The following LRSAM1 variants were observed in gnomAD, a reference collection of about 807,000 sequenced individuals.
LRSAM1 encodes leucine rich repeat and sterile alpha motif containing 1.
In LRSAM1, 96 loss-of-function variants were observed where a neutral mutation model predicts 118.1. That is an observed-to-expected ratio of 0.81 (90% CI 0.69 to 0.96). The LOEUF (loss-of-function observed/expected upper bound fraction) is 0.96. Among genes scored for constraint, LRSAM1 ranks in the 40% least tolerant of loss-of-function variants. The pLI, the probability that LRSAM1 is intolerant of heterozygous loss-of-function variation, is 0.00. For missense variants in LRSAM1, 804 were observed against 915.5 expected (o/e 0.88, Z 1.57); for synonymous variants, 322 against 364.2 (o/e 0.88, Z 1.32).
intron 3 of LRSAM1, 41 bp downstream of exon 3, chr9:127,454,640 T>C: frequency 6.3e-7 from 1 of 1,597,992 alleles, no homozygotes; most frequent in Non-Finnish European, 8.6e-7. Context: ...TCCCATCTCC[T>C]CCTCGGTCCC....
At chr9:127,497,372 C>A (rs768759548) in intron 24 of LRSAM1, 38 bp downstream of exon 24, 1 of 1,590,628 alleles carries the variant, frequency 6.3e-7, no homozygotes, top group Non-Finnish European at 8.6e-7. Flanking sequence ...GGCAGGGCTC[C>A]AGCCGTATGT....
Position 127,457,220 on chromosome 9 carries a change from G to A in LRSAM1, c.175-96G>A. The A allele has an allele frequency of 2.0e-5, 27 of 1,346,502 alleles. No homozygotes were observed. In the South Asian group the frequency reaches 3.1e-4, roughly 16 times the overall value. The allele number at this position is 1,346,502 out of a possible 1,614,324, so 83.4% of individuals were successfully genotyped here. On this transcript the variant is annotated intron_variant, in intron 5 of 25. Transcript: ENST00000300417. ...TGGTGTCTGGGAGAGCAAGATGGTG[G>A]GGCGTGGCACGGCGCTGGGCTGGCT...
intron 11 of LRSAM1, among the ~76,000 whole-genome samples, chr9:127,477,189 GAC>G (rs1409903588): frequency 2.6e-5 from 4 of 152,094 alleles, no homozygotes; most frequent in Non-Finnish European, 4.4e-5. Context: ...GCCTGATAAT[GAC>G]AGTTACACCT....
intron 15 of LRSAM1, among the ~76,000 whole-genome samples, chr9:127,481,955 G>A (rs1835554681): frequency 6.6e-6 from 1 of 150,484 alleles, no homozygotes; most frequent in Non-Finnish European, 1.5e-5. Flanking sequence ...AAAAAAAAAA[G>A]AAATTCAGAA....
At chr9:127,479,636 C>T in intron 13 of LRSAM1, 131 bp downstream of exon 13, 1 of 1,420,276 alleles carries the variant, frequency 7.0e-7, no homozygotes, top group East Asian at 2.4e-5. Context: ...TCCCCCAGCA[C>T]CTGGGAGGGC....
chr9:127,502,669 AGAGT>A, intron 25 of LRSAM1, 101 bp from the exon 26 acceptor site: 1 of 1,380,652 alleles, frequency 7.2e-7, no homozygotes. Flanking sequence ...CCTGGGCAAC[AGAGT>A]GAGACTCTGT....
Position 127,483,458 on chromosome 9 carries a change from AAAAG to A in LRSAM1, c.1159+443_1159+446del, listed in dbSNP as rs1230653843. 4.6e-5 allele frequency among the ~76,000 whole-genome samples: 7 copies of A among 152,200 alleles called. No homozygotes were observed. The South Asian group carries it at 1.5e-3, about 32-fold the overall frequency. On this transcript the variant is annotated intron_variant, in intron 16 of 25. Transcript: ENST00000300417. ...CGAGACCATTTCTCAGAAAAAAAAA[AAAAG>A]AAAGTCCAAATGCCCCCAAATAGAG... is the stretch of plus-strand genomic sequence containing the variant.
intron 9 of LRSAM1, among the ~76,000 whole-genome samples, chr9:127,462,870 T>A (rs1488853024): frequency 6.7e-6 from 1 of 149,624 alleles, no homozygotes; most frequent in Admixed American, 6.6e-5. Flanking sequence ...AAAAAAAAAG[T>A]TGTGATATTC....
intron 25 of LRSAM1, among the ~76,000 whole-genome samples, chr9:127,501,787 C>T (rs1196489791): frequency 6.6e-6 from 1 of 152,214 alleles, no homozygotes; most frequent in Admixed American, 6.5e-5. Context: ...CTAAAAATTA[C>T]ACAGAGCAGT....
chr9:127,466,497 TATATA>T (rs1564258746), intron 9 of LRSAM1, among the ~76,000 whole-genome samples: 557 of 29,532 alleles, frequency 0.019, 33 homozygotes, highest in Non-Finnish European at 0.026. Flanking sequence ...TATATATATA[TATATA>T]TATTTTTTTT....
intron 16 of LRSAM1, among the ~76,000 whole-genome samples, chr9:127,483,896 C>A (rs1422498818): frequency 6.6e-6 from 1 of 151,974 alleles, no homozygotes; most frequent in Non-Finnish European, 1.5e-5. Context: ...CTCCTGACCT[C>A]AAGTGATCGC....
intron 17 of LRSAM1, among the ~76,000 whole-genome samples, chr9:127,486,865 C>T (rs2246000): frequency 0.64 from 97,485 of 151,966 alleles, 31,538 homozygotes; most frequent in Middle Eastern, 0.66. Flanking sequence ...TGGGAAAAAA[C>T]AGTTGCTATT....
At position 127,497,424 on chromosome 9, in the gene LRSAM1, T is replaced by C; in HGVS notation, c.1912+90T>C. 4 of 1,303,930 alleles carry C rather than the reference T, an allele frequency of 3.1e-6. No individual in the cohort carries two copies. In the Admixed American group the frequency reaches 7.2e-5, roughly 24 times the overall value. 80.8% of individuals were successfully genotyped at this position (1,303,930 alleles called of 1,614,324 possible). On this transcript the variant is annotated intron_variant, in intron 24 of 25. Coordinates refer to ENST00000300417, the MANE Select transcript of LRSAM1 (RefSeq NM_001005373.4). ...ACAGTCATTTGCTTACATTTCAGGA[T>C]GACTCCTGAGGGCTGGTTCTAGCCT...
intron 18 of LRSAM1, 40 bp downstream of exon 18, chr9:127,487,803 G>T: frequency 6.4e-7 from 1 of 1,574,486 alleles, no homozygotes; most frequent in South Asian, 1.1e-5. Flanking sequence ...GAGCTCAGGA[G>T]GGAGGTTCAG....
intron 7 of LRSAM1, among the ~76,000 whole-genome samples, chr9:127,459,407 T>C (rs1008778989): frequency 8.6e-5 from 13 of 151,760 alleles, no homozygotes; most frequent in African/African-American, 3.1e-4. Context: ...TTAGTAGAGA[T>C]GGTGTTTCGC....
At chr9:127,475,220 A>C (rs1430599274) in intron 11 of LRSAM1, among the ~76,000 whole-genome samples, 1 of 152,124 alleles carries the variant, frequency 6.6e-6, no homozygotes, top group Non-Finnish European at 1.5e-5. Context: ...AATCAGTAAG[A>C]AGAAAACCAT....
rs1836447662 is a variant in LRSAM1 at position 127,502,839 on chromosome 9, C to T, written c.2112C>T (p.Arg704=). Residue 704 remains arginine, a synonymous_variant, in exon 26 of 26, where the codon CGC becomes CGT. Transcript: ENST00000300417. The stretch of plus-strand genomic sequence containing the variant: ...GCCAGCAGTGCTGCCAGCCACTGCG[C>T]ACCTGCCCGCTGTGCCGCCAGGACA... ...CCCQQCCQPL[R]TCPLCRQDIA... is the part of the protein sequence containing the mutation. 9.9e-6 allele frequency: 16 copies of T among 1,612,256 alleles called. No homozygotes were observed. The highest frequency in any genetic ancestry group is 1.3e-5 in the Non-Finnish European group (15 of 1,179,674).
At chr9:127,472,119 G>A (rs190024680) in intron 10 of LRSAM1, among the ~76,000 whole-genome samples, 358 of 151,370 alleles carry the variant, frequency 2.4e-3, no homozygotes, top group African/African-American at 8.2e-3. Flanking sequence ...CCACCACCAC[G>A]CCTGGCTAAT....
chr9:127,452,093 C>G lies in LRSAM1; in HGVS notation c.-33+9C>G, dbSNP rs1383668351. The stretch of plus-strand genomic sequence containing the variant: ...TCCATCCGCAAAGCCAGGTCAGCCA[C>G]TGCCCACCCCACCCCAGGAAATATG... On this transcript the variant is annotated intron_variant, in intron 2 of 25. Coordinates refer to ENST00000300417, the MANE Select transcript of LRSAM1 (RefSeq NM_001005373.4). 1 of 152,298 alleles carries G rather than the reference C, an allele frequency of 6.6e-6. No homozygotes were observed. Among genetic ancestry groups the G allele is most frequent in the Non-Finnish European group, 1.5e-5 (1 of 68,104 alleles). The allele number at this position is 152,298 out of a possible 1,614,324, so 9.4% of individuals were successfully genotyped here.
Sources: allele counts gnomAD v4.1 joint callset (sites outside exome capture counted in the v4.1 genomes callset), GRCh38; gene constraint gnomAD v4.1.1; transcripts MANE v1.5; gene names NCBI Gene and HGNC (gene_info 2026-07-23, HGNC 2026-07-21).